ADAMTSL1: variants seen among roughly 807,000 people sequenced by gnomAD.
The protein encoded by ADAMTSL1 is ADAMTS-like protein 1.
Under a neutral mutation model 201.8 loss-of-function variants are expected in ADAMTSL1, and 126 were observed. The observed-to-expected ratio is 0.62, with a 90% CI of 0.54 to 0.72. The LOEUF (loss-of-function observed/expected upper bound fraction) is 0.72, where lower values mean the gene tolerates loss of function less well. Ranked by LOEUF, ADAMTSL1 falls within the 30% of genes least tolerant of loss-of-function variation. ADAMTSL1 has a pLI of 0.00. For missense variants in ADAMTSL1, 2,679 were observed against 2,277.8 expected (o/e 1.18, Z -3.59); for synonymous variants, 1,121 against 903.4 (o/e 1.24, Z -4.32).
At chr9:18,020,378 C>T (rs1284523837) in intron 1 of ADAMTSL1, among the ~76,000 whole-genome samples, 2 of 152,064 alleles carry the variant, frequency 1.3e-5, no homozygotes, top group Admixed American at 6.6e-5. Flanking sequence ...ATCCTGAGTG[C>T]TCTGCTTTCA....
intron 26 of ADAMTSL1, among the ~76,000 whole-genome samples, chr9:18,904,109 C>T (rs927181940): frequency 2.0e-5 from 3 of 152,106 alleles, no homozygotes; most frequent in African/African-American, 7.2e-5. Flanking sequence ...GCTGGGAATA[C>T]AGGCATCCAC....
In ADAMTSL1 at chr9:18,826,371, C is replaced by G; in HGVS notation, c.4022C>G (p.Thr1341Arg). 1 of 1,613,660 alleles carries G rather than the reference C, an allele frequency of 6.2e-7. No homozygotes were observed. Among genetic ancestry groups the G allele is most frequent in the South Asian group, 1.1e-5 (1 of 90,974 alleles). ...CTGCACGAAGGCTCCTTGCTGCTCA[C>G]AAACGTGTCCTCCTCGGATCAGGGC... ...HHLHEGSLLL[T>R]NVSSSDQGLY... Residue 1341 changes from threonine to arginine, a missense_variant, in exon 22 of 29, where the codon ACA becomes AGA. Thr to Arg is a moderately conservative substitution (Grantham distance 71). Coordinates refer to ENST00000380548, the MANE Select transcript of ADAMTSL1 (RefSeq NM_001040272.6).
chr9:18,438,522 G>T (rs1250868684), intron 2 of ADAMTSL1, among the ~76,000 whole-genome samples: 1 of 152,242 alleles, frequency 6.6e-6, no homozygotes, highest in East Asian at 1.9e-4. Flanking sequence ...TGGAACCAAG[G>T]CTGGCTTCCT....
chr9:18,417,828 T>G (rs1396765705), intron 2 of ADAMTSL1, among the ~76,000 whole-genome samples: 1 of 152,206 alleles, frequency 6.6e-6, no homozygotes, highest in Non-Finnish European at 1.5e-5. Flanking sequence ...CTACCCAATC[T>G]CTTCCAGCAG....
chr9:18,105,020 T>C (rs910522369), intron 1 of ADAMTSL1, among the ~76,000 whole-genome samples: 6 of 152,028 alleles, frequency 3.9e-5, no homozygotes, highest in Non-Finnish European at 7.4e-5. Context: ...AGGCCGTATG[T>C]ATAAATAAAA....
At chr9:18,633,638 C>CA (rs373587282) in intron 5 of ADAMTSL1, among the ~76,000 whole-genome samples, 1 of 123,792 alleles carries the variant, frequency 8.1e-6, no homozygotes, top group South Asian at 2.9e-4. Context: ...CTAATCTTAA[C>CA]TTTTTTTTTT....
chr9:18,618,313 T>C (rs898056775), intron 4 of ADAMTSL1, among the ~76,000 whole-genome samples: 1 of 152,184 alleles, frequency 6.6e-6, no homozygotes, highest in African/African-American at 2.4e-5. Context: ...AGGTCGCCTA[T>C]CTGTAAACTA....
rs143425429 is a variant in ADAMTSL1 at position 18,383,896 on chromosome 9, G to A, written c.208-120933G>A. On this transcript the variant is annotated intron_variant, in intron 2 of 29. Transcript: ENST00000680146. The stretch of plus-strand genomic sequence containing the variant: ...TTACTGTACATATGAATCACCTGGG[G>A]TCTGGTTAATGCAGATTCTGATTCA... 1.3e-3 allele frequency among the ~76,000 whole-genome samples: 205 copies of A among 152,244 alleles called. 1 individual carries two copies. The highest frequency in any genetic ancestry group is 5.4e-4 in the Non-Finnish European group (37 of 68,022).
chr9:18,254,524 G>A lies in ADAMTSL1; in HGVS notation c.207+90543G>A, dbSNP rs543930720. 7.2e-4 allele frequency among the ~76,000 whole-genome samples: 109 copies of A among 151,322 alleles called. 1 individual carries two copies. Among genetic ancestry groups the A allele is most frequent in the Non-Finnish European group, 1.1e-3 (77 of 67,872 alleles). On this transcript the variant is annotated intron_variant, in intron 2 of 29. Coordinates refer to the ADAMTSL1 transcript ENST00000680146. ...ACTACAGGCTCCCGCCACCACGCCC[G>A]GCTAACTTTTTTGTATTTTTAGTAA... is the stretch of plus-strand genomic sequence containing the variant.
chr9:18,514,331 T>TTTC (rs1564009784), intron 2 of ADAMTSL1, among the ~76,000 whole-genome samples: 70 of 112,638 alleles, frequency 6.2e-4, no homozygotes, highest in Non-Finnish European at 1.2e-3. Flanking sequence ...TTCTTTCTTT[T>TTTC]TTTTTTTTTT....
At chr9:18,843,394 C>G (rs10963799) in intron 23 of ADAMTSL1, among the ~76,000 whole-genome samples, 28,564 of 150,700 alleles carry the variant, frequency 0.19, 3,226 homozygotes, top group Middle Eastern at 0.3. Flanking sequence ...GAGTTTCTGC[C>G]GAGAGATCCG....
chr9:18,000,945 G>A (rs1168705604), intron 1 of ADAMTSL1, among the ~76,000 whole-genome samples: 1 of 152,006 alleles, frequency 6.6e-6, no homozygotes, highest in African/African-American at 2.4e-5. Flanking sequence ...TTGGCTTGGG[G>A]CACTATCCCA....
chr9:18,182,783 C>T (rs1490401072), intron 2 of ADAMTSL1, among the ~76,000 whole-genome samples: 1 of 152,162 alleles, frequency 6.6e-6, no homozygotes, highest in Non-Finnish European at 1.5e-5. Context: ...ATCAAGGTTA[C>T]ATGCTTTGTA....
chr9:18,055,298 T>G (rs1822130025), intron 1 of ADAMTSL1, among the ~76,000 whole-genome samples: 1 of 152,168 alleles, frequency 6.6e-6, no homozygotes, highest in African/African-American at 2.4e-5. Context: ...ACAGACTGGT[T>G]TCATTGACTC....
At chr9:18,353,667 G>T (rs1836077401) in intron 2 of ADAMTSL1, among the ~76,000 whole-genome samples, 1 of 152,106 alleles carries the variant, frequency 6.6e-6, no homozygotes, top group African/African-American at 2.4e-5. Flanking sequence ...TATTAAGGTT[G>T]CCCATAAAAT....
intron 1 of ADAMTSL1, among the ~76,000 whole-genome samples, chr9:17,955,392 A>G (rs932195524): frequency 1.3e-5 from 2 of 152,138 alleles, no homozygotes; most frequent in African/African-American, 4.8e-5. Flanking sequence ...CAAATTTAGG[A>G]TTATAGTTCT....
chr9:18,290,774 TTTGTGTG>T (rs1382594327), intron 2 of ADAMTSL1, among the ~76,000 whole-genome samples: 14 of 65,696 alleles, frequency 2.1e-4, no homozygotes, highest in African/African-American at 6.0e-4. Context: ...GCTGGCTTTT[TTTGTGTG>T]TTTTTTTTTT....
chr9:18,689,807 A>T (rs760087488), intron 13 of ADAMTSL1, among the ~76,000 whole-genome samples: 13 of 152,210 alleles, frequency 8.5e-5, no homozygotes, highest in Non-Finnish European at 1.5e-4. Context: ...AGCCTTAATG[A>T]TGCCATTTTT....
At chr9:18,402,748 A>T (rs541627771) in intron 2 of ADAMTSL1, among the ~76,000 whole-genome samples, 80 of 152,242 alleles carry the variant, frequency 5.3e-4, no homozygotes, top group Middle Eastern at 3.4e-3. Context: ...CAGTTCAGGC[A>T]CCATTCCTTC....
Sources: allele counts gnomAD v4.1 joint callset (sites outside exome capture counted in the v4.1 genomes callset), GRCh38; gene constraint gnomAD v4.1.1; transcripts MANE v1.5; gene names NCBI Gene and HGNC (gene_info 2026-07-23, HGNC 2026-07-21).